IL1RAPL2: variants seen among roughly 807,000 people sequenced by gnomAD.
The protein encoded by IL1RAPL2 is interleukin 1 receptor accessory protein like 2.
A neutral mutation model predicts 44.1 loss-of-function variants in IL1RAPL2; 3 were observed. That is an observed-to-expected ratio of 0.07 (90% CI 0.03 to 0.18). The LOEUF is 0.18. Among genes scored for constraint, IL1RAPL2 ranks in the 10% least tolerant of loss-of-function variants. The probability of loss-of-function intolerance (pLI) is 1.00; values close to 1 mark genes in which losing one functional copy is unlikely to be tolerated. For synonymous variants in IL1RAPL2, 181 were observed against 178.8 expected (o/e 1.01, Z -0.10); for missense variants, 391 against 496.4 (o/e 0.79, Z 2.02).
At chrX:105,346,515 T>C (rs1162893614) in intron 5 of IL1RAPL2, among the ~76,000 whole-genome samples, 1 of 112,353 alleles carries the variant, frequency 8.9e-6, no homozygotes, top group African/African-American at 3.2e-5. Context: ...TTCATTGTTA[T>C]TGGAAAGCCT....
chrX:104,682,972 C>T (rs5916817), intron 2 of IL1RAPL2, among the ~76,000 whole-genome samples: 39,769 of 110,688 alleles, frequency 0.36, 5,646 homozygotes, highest in Non-Finnish European at 0.45. Flanking sequence ...CTTATAACTG[C>T]TAATTGCCAA....
chrX:105,227,828 A>G (rs1229215522), intron 3 of IL1RAPL2, among the ~76,000 whole-genome samples: 3 of 112,103 alleles, frequency 2.7e-5, no homozygotes, highest in Non-Finnish European at 5.6e-5. Flanking sequence ...CTTTTTTAAT[A>G]TTTGCAATTT....
chrX:105,703,431 A>G (rs1055849107), intron 6 of IL1RAPL2, among the ~76,000 whole-genome samples: 1 of 111,510 alleles, frequency 9.0e-6, no homozygotes. Flanking sequence ...AAAAAAATGG[A>G]AAAGGGAAGA....
intron 2 of IL1RAPL2, among the ~76,000 whole-genome samples, chrX:105,029,366 G>A (rs1276714194): frequency 2.8e-4 from 29 of 101,844 alleles, no homozygotes; most frequent in Non-Finnish European, 5.0e-4. Flanking sequence ...TCGTCATTTA[G>A]CATTAGGTAT....
intron 2 of IL1RAPL2, among the ~76,000 whole-genome samples, chrX:104,719,796 C>T (rs1335426037): frequency 9.0e-6 from 1 of 111,433 alleles, no homozygotes; most frequent in African/African-American, 3.3e-5. Context: ...GCAAGAACCT[C>T]AACCCAGAGA....
chrX:105,543,458 T>C (rs2036761996), intron 6 of IL1RAPL2, among the ~76,000 whole-genome samples: 1 of 112,053 alleles, frequency 8.9e-6, no homozygotes, highest in Admixed American at 9.4e-5. Context: ...TCATAGAACA[T>C]TGGAGTGGTG....
At chrX:104,589,279 A>G (rs1009771854) in intron 1 of IL1RAPL2, among the ~76,000 whole-genome samples, 8 of 112,384 alleles carry the variant, frequency 7.1e-5, no homozygotes, top group Non-Finnish European at 1.1e-4. Context: ...AAGCCAGTCC[A>G]AGTCCCAAAG....
intron 3 of IL1RAPL2, among the ~76,000 whole-genome samples, chrX:105,231,788 T>C (rs2034073730): frequency 8.9e-6 from 1 of 112,079 alleles, no homozygotes; most frequent in Admixed American, 9.4e-5. Context: ...GAGAATGTTA[T>C]GTTGAGCTAG....
At chrX:105,003,341 C>A (rs1190151410) in intron 2 of IL1RAPL2, among the ~76,000 whole-genome samples, 1 of 110,929 alleles carries the variant, frequency 9.0e-6, no homozygotes, top group African/African-American at 3.3e-5. Flanking sequence ...TTAATTATCA[C>A]CCAAAATACA....
At chrX:105,326,165 A>C (rs2034936687) in intron 5 of IL1RAPL2, among the ~76,000 whole-genome samples, 1 of 110,648 alleles carries the variant, frequency 9.0e-6, no homozygotes, top group Admixed American at 9.7e-5. Flanking sequence ...CAATTCTCCC[A>C]CCTCAGCCTG....
At chrX:105,719,420 G>C (rs192457912) in intron 7 of IL1RAPL2, among the ~76,000 whole-genome samples, 3 of 111,662 alleles carry the variant, frequency 2.7e-5, no homozygotes, top group Admixed American at 9.5e-5. Context: ...TAGCTAAAGT[G>C]TATGGGTGTG....
At chrX:104,931,994 ATAT>A (rs1389205387) in intron 2 of IL1RAPL2, among the ~76,000 whole-genome samples, 17 of 57,820 alleles carry the variant, frequency 2.9e-4, no homozygotes, top group East Asian at 4.6e-4. Context: ...ATATATATAT[ATAT>A]TTTTTTTTTT....
At chrX:105,447,126 AATATAT>A (rs1369687324) in intron 5 of IL1RAPL2, among the ~76,000 whole-genome samples, 1 of 48,704 alleles carries the variant, frequency 2.1e-5, no homozygotes, top group South Asian at 1.1e-3. Context: ...TATAAATATA[AATATAT>A]ATATGAATAT....
intron 2 of IL1RAPL2, among the ~76,000 whole-genome samples, chrX:104,675,254 C>T (rs975959791): frequency 9.0e-6 from 1 of 111,338 alleles, no homozygotes; most frequent in African/African-American, 3.3e-5. Flanking sequence ...AAATTTCCCT[C>T]TACACACTGC....
At chrX:105,190,661 A>G (rs1049320146) in intron 2 of IL1RAPL2, among the ~76,000 whole-genome samples, 6 of 110,805 alleles carry the variant, frequency 5.4e-5, no homozygotes, top group African/African-American at 1.3e-4. Context: ...CAATTTGGGG[A>G]AAAAAAAATC....
In IL1RAPL2 at chrX:105,299,918, T is replaced by C. The variant is rs141885136; in HGVS notation, c.697+32377T>C. On this transcript the variant is annotated intron_variant, in intron 5 of 10. Transcript: ENST00000372582. ...TGAGCTGTGATCAATAAGGAGGGAA[T>C]TGGGTGATGACTTCTCTGGCTGTGT... 5.6e-3 allele frequency among the ~76,000 whole-genome samples: 629 copies of C among 111,619 alleles called. 9 individuals are homozygous for C. The highest frequency in any genetic ancestry group is 0.02 in the African/African-American group (603 of 30,711).
intron 1 of IL1RAPL2, among the ~76,000 whole-genome samples, chrX:104,636,086 G>C (rs1469402443): frequency 8.9e-6 from 1 of 112,318 alleles, no homozygotes; most frequent in Non-Finnish European, 1.9e-5. Flanking sequence ...CTGCAAGTCT[G>C]TTGGAATTTT....
At chrX:105,513,884 AGGATTTTTAT>A (rs1274269925) in intron 6 of IL1RAPL2, among the ~76,000 whole-genome samples, 2 of 111,330 alleles carry the variant, frequency 1.8e-5, no homozygotes, top group Non-Finnish European at 3.8e-5. Context: ...GTTTTCTTCT[AGGATTTTTAT>A]GGTTTTAAGT....
intron 2 of IL1RAPL2, among the ~76,000 whole-genome samples, chrX:105,141,034 T>A (rs1167523495): frequency 8.9e-6 from 1 of 111,870 alleles, no homozygotes; most frequent in Non-Finnish European, 1.9e-5. Context: ...CTATAATGTG[T>A]CTCAGGCCAA....
Sources: allele counts gnomAD v4.1 joint callset (sites outside exome capture counted in the v4.1 genomes callset), GRCh38; gene constraint gnomAD v4.1.1; transcripts MANE v1.5; gene names NCBI Gene and HGNC (gene_info 2026-07-23, HGNC 2026-07-21).